Variants in TBX4 observed in about 807,000 individuals in gnomAD.
The protein encoded by TBX4 is T-box transcription factor TBX4.
Under a neutral mutation model 54.6 loss-of-function variants are expected in TBX4, and 13 were observed. The ratio of observed to expected loss-of-function variants is 0.24; its 90% confidence interval spans 0.15 to 0.38. TBX4 has a LOEUF of 0.38. Ranked by LOEUF, TBX4 falls within the 10% of genes least tolerant of loss-of-function variation. The pLI, the probability that TBX4 is intolerant of heterozygous loss-of-function variation, is 1.00. For synonymous variants in TBX4, 314 were observed against 306.7 expected (o/e 1.02, Z -0.25); for missense variants, 631 against 728.5 (o/e 0.87, Z 1.54).
rs1478970181 is a variant in TBX4 at position 61,460,684 on chromosome 17, T to C, written c.281+3053T>C. Reference sequence around the variant, plus strand: ...CCACATCCCTGCCAAGCTTGATACATGTGAGAAACTGCATTTTCTCCCAAA... The same window carrying C: ...CCACATCCCTGCCAAGCTTGATACACGTGAGAAACTGCATTTTCTCCCAAA... On this transcript the variant is annotated intron_variant, in intron 3 of 8. Coordinates refer to ENST00000644296, the MANE Select transcript of TBX4 (RefSeq NM_001321120.2). The surrounding 1 kb of genome is among the most constrained non-coding windows in gnomAD (Gnocchi z 4.4). 5.3e-5 allele frequency among the ~76,000 whole-genome samples: 8 copies of C among 152,162 alleles called. No homozygotes were observed.
At chr17:61,456,089 C>T (rs1307339957) in intron 1 of TBX4, among the ~76,000 whole-genome samples, 1 of 152,148 alleles carries the variant, frequency 6.6e-6, no homozygotes, top group Non-Finnish European at 1.5e-5. Context: ...GTCCTGGGCC[C>T]ACAGAGAGGC....
At chr17:61,454,367 A>T (rs1374763478) in intron 1 of TBX4, among the ~76,000 whole-genome samples, 1 of 152,272 alleles carries the variant, frequency 6.6e-6, no homozygotes, top group Non-Finnish European at 1.5e-5. Flanking sequence ...CCCCATCGCA[A>T]AGGCAGCGGA....
Position 61,457,664 on chromosome 17 carries a change from C to T in TBX4, c.281+33C>T. ...CTGGGAGATTTACTTCCGGGGATGGCGGTGGGGAGCAAGGGGGGCCAGGGA... is the reference window on the plus strand; with the variant it reads ...CTGGGAGATTTACTTCCGGGGATGGTGGTGGGGAGCAAGGGGGGCCAGGGA... On this transcript the variant is annotated intron_variant, in intron 3 of 8. Transcript: ENST00000644296. The surrounding 1 kb of genome is among the most constrained non-coding windows in gnomAD (Gnocchi z 8.2). 1.2e-6 allele frequency: 2 copies of T among 1,602,422 alleles called. No homozygotes were observed. The highest frequency in any genetic ancestry group is 2.2e-5 in the East Asian group (1 of 44,728).
At position 61,483,874 on chromosome 17, in the gene TBX4, G is replaced by A; in HGVS notation, c.*358G>A. 1.0e-5 allele frequency: 3 copies of A among 292,930 alleles called. No individual in the cohort carries two copies. The highest frequency in any genetic ancestry group is 7.2e-5 in the South Asian group (2 of 27,780). 18.1% of individuals were successfully genotyped at this position (292,930 alleles called of 1,614,324 possible). ...TTTATAATGGTTGATTTACTCAGGG[G>A]CCAGGTGGGGAGTTCTCTCCCATGG... On this transcript the variant is annotated 3_prime_UTR_variant, in exon 9 of 9. Transcript: ENST00000644296. The surrounding 1 kb of genome is among the most constrained non-coding windows in gnomAD (Gnocchi z 6.6).
chr17:61,463,794 T>C (rs2060515055), intron 3 of TBX4, among the ~76,000 whole-genome samples: 1 of 152,214 alleles, frequency 6.6e-6, no homozygotes. Context: ...GGCTGCCCCA[T>C]TTTGTGGCTG....
intron 5 of TBX4, among the ~76,000 whole-genome samples, chr17:61,469,099 A>T (rs1178915910): frequency 1.3e-5 from 2 of 152,298 alleles, no homozygotes; most frequent in Non-Finnish European, 2.9e-5. Flanking sequence ...CCAAACCTGG[A>T]GAGGATTTTG....
rs2060638680 is a variant in TBX4 at position 61,478,539 on chromosome 17, A to G, written c.550-88A>G. ...CCTGGGCTTTGAGGAGAATGAGAAA[A>G]ACCAGGCCAGGGCCAGAAGAATGAG... On this transcript the variant is annotated intron_variant, in intron 5 of 8. Transcript: ENST00000644296. The surrounding 1 kb of genome is among the most constrained non-coding windows in gnomAD (Gnocchi z 7.4). 3 of 1,583,382 alleles carry G rather than the reference A, an allele frequency of 1.9e-6. No homozygotes were observed. The highest frequency in any genetic ancestry group is 2.6e-6 in the Non-Finnish European group (3 of 1,153,178).
chr17:61,456,378 A>G (rs1188736639), intron 1 of TBX4, 110 bp from the exon 2 acceptor site: 3 of 1,447,860 alleles, frequency 2.1e-6, no homozygotes, highest in African/African-American at 1.4e-5. Flanking sequence ...CACGTGCTCC[A>G]GGGCTGCCTC....
rs1269844660 is a variant in TBX4, at chr17:61,484,342, C to G, written c.*826C>G. The G allele has an allele frequency of 6.6e-6, 1 of 152,076 alleles. No individual in the cohort carries two copies. Among genetic ancestry groups the G allele is most frequent in the Admixed American group, 6.6e-5 (1 of 15,266 alleles). The allele number at this position is 152,076 out of a possible 1,614,324, so 9.4% of individuals were successfully genotyped here. On this transcript the variant is annotated 3_prime_UTR_variant, in exon 9 of 9. Transcript: ENST00000644296. This position sits in a 1 kb window ranked among gnomAD's most constrained non-coding sequence, Gnocchi z 4.1. ...GGTCCCCAACATACAGTCTCTCACTCTGGTGTGTGGAGAGTCAGCCTCCCA... is the reference window on the plus strand; with the variant it reads ...GGTCCCCAACATACAGTCTCTCACTGTGGTGTGTGGAGAGTCAGCCTCCCA...
Position 61,476,777 on chromosome 17 carries a change from A to G in TBX4, c.550-1850A>G, listed in dbSNP as rs1292658143. 1.3e-5 allele frequency among the ~76,000 whole-genome samples: 2 copies of G among 152,214 alleles called. No individual in the cohort carries two copies. Among genetic ancestry groups the G allele is most frequent in the African/African-American group, 2.4e-5 (1 of 41,442 alleles). On this transcript the variant is annotated intron_variant, in intron 5 of 8. Coordinates refer to ENST00000644296, the MANE Select transcript of TBX4 (RefSeq NM_001321120.2). The surrounding 1 kb of genome is among the most constrained non-coding windows in gnomAD (Gnocchi z 6.5). The stretch of plus-strand genomic sequence containing the variant: ...CTGAGGCGGGAGTGGCCAGTGCAGA[A>G]GGCAGAAAGTGTGGTTCCTGCTGGA...
Position 61,480,406 on chromosome 17 carries a change from A to AAC in TBX4, c.1021+98_1021+99dup, listed in dbSNP as rs913426874. 1.3e-5 allele frequency: 12 copies of AAC among 921,294 alleles called. No homozygotes were observed. Among genetic ancestry groups the AAC allele is most frequent in the Non-Finnish European group, 1.7e-5 (10 of 600,728 alleles). The allele number at this position is 921,294 out of a possible 1,614,324, so 57.1% of individuals were successfully genotyped here. ...ACCACTCTGCAGCGCCCCCCCCCCC[A>AAC]ACACACACACACTCATCTCGTGCTT... is the stretch of plus-strand genomic sequence containing the variant. On this transcript the variant is annotated intron_variant, in intron 8 of 8. Coordinates refer to ENST00000644296, the MANE Select transcript of TBX4 (RefSeq NM_001321120.2). This position sits in a 1 kb window ranked among gnomAD's most constrained non-coding sequence, Gnocchi z 6.2.
At chr17:61,469,445 A>G (rs921827985) in intron 5 of TBX4, among the ~76,000 whole-genome samples, 5 of 152,166 alleles carry the variant, frequency 3.3e-5, no homozygotes, top group African/African-American at 4.8e-5. Flanking sequence ...TGCCTTGATG[A>G]TAGGGATACT....
intron 1 of TBX4, among the ~76,000 whole-genome samples, 175 bp downstream of exon 1, chr17:61,452,752 C>T (rs979595116): frequency 6.6e-6 from 1 of 152,218 alleles, no homozygotes; most frequent in African/African-American, 2.4e-5. Flanking sequence ...GCGCGAAGTG[C>T]CTTGGGTCGG....
rs1322796445 is a variant in TBX4 at position 61,480,060 on chromosome 17, T to A, written c.792-30T>A. 1 of 1,611,818 alleles carries A rather than the reference T, an allele frequency of 6.2e-7. No homozygotes were observed. Among genetic ancestry groups the A allele is most frequent in the Admixed American group, 1.7e-5 (1 of 60,010 alleles). On this transcript the variant is annotated intron_variant, in intron 7 of 8. Transcript: ENST00000644296. This position sits in a 1 kb window ranked among gnomAD's most constrained non-coding sequence, Gnocchi z 6.2. ...TCGATGTATCTTCACTCTCTTCCTG[T>A]CTCTCCTCCTGTCCTCCCCACCCCT...
Position 61,456,468 on chromosome 17 carries a change from G to T in TBX4, c.-3-20G>T, listed in dbSNP as rs761189656. The T allele has an allele frequency of 6.4e-7, 1 of 1,559,768 alleles. No individual in the cohort carries two copies. Among genetic ancestry groups the T allele is most frequent in the Non-Finnish European group, 8.7e-7 (1 of 1,152,082 alleles). Reference sequence around the variant, plus strand: ...GAGTGTGGACCTGGGCGAGTGACTCGTTGTGTGCTGTGCCCGCAGGAGATG... The same window carrying T: ...GAGTGTGGACCTGGGCGAGTGACTCTTTGTGTGCTGTGCCCGCAGGAGATG... On this transcript the variant is annotated intron_variant, in intron 1 of 8. Coordinates refer to ENST00000644296, the MANE Select transcript of TBX4 (RefSeq NM_001321120.2).
rs374641629 is a variant in TBX4, at chr17:61,467,729, G to A, written c.549+72G>A. ...TTTAGGGGTGGGACAGGCCAGGATG[G>A]GGATAGGGAGAATCCACTCCGGGAT... On this transcript the variant is annotated intron_variant, in intron 5 of 8. Transcript: ENST00000644296. The A allele has an allele frequency of 1.6e-3, 2,610 of 1,585,840 alleles. 69 individuals are homozygous for A. In the South Asian group the frequency reaches 0.027, roughly 17 times the overall value.
Position 61,474,318 on chromosome 17 carries a change from ACT to A in TBX4, c.550-4306_550-4305del, listed in dbSNP as rs1191536713. 2.6e-5 allele frequency among the ~76,000 whole-genome samples: 4 copies of A among 151,970 alleles called. No individual in the cohort carries two copies. The highest frequency in any genetic ancestry group is 9.7e-5 in the African/African-American group (4 of 41,364). On this transcript the variant is annotated intron_variant, in intron 5 of 8. Transcript: ENST00000644296. The surrounding 1 kb of genome is among the most constrained non-coding windows in gnomAD (Gnocchi z 4.6). ...GTGTTTAATTGGCACCTTCTCATTA[ACT>A]CTGAGCTTGTTGAGAGCAGTGTGTG...
intron 4 of TBX4, among the ~76,000 whole-genome samples, chr17:61,467,125 A>G (rs750986616): frequency 1.3e-5 from 2 of 152,144 alleles, no homozygotes; most frequent in Non-Finnish European, 2.9e-5. Flanking sequence ...TACCACTAGC[A>G]TGGGTGACAG....
chr17:61,474,627 T>C lies in TBX4; in HGVS notation c.550-4000T>C, dbSNP rs939040613. The stretch of plus-strand genomic sequence containing the variant: ...GTTAAAATAGAACAGGCTTCTGAAT[T>C]GTGGCCAGAACATAATGAATCCCAT... On this transcript the variant is annotated intron_variant, in intron 5 of 8. Transcript: ENST00000644296. This position sits in a 1 kb window ranked among gnomAD's most constrained non-coding sequence, Gnocchi z 4.6. Among the ~76,000 whole-genome samples the C allele has an allele frequency of 6.6e-6, 1 of 152,224 alleles. No individual in the cohort carries two copies. The highest frequency in any genetic ancestry group is 1.5e-5 in the Non-Finnish European group (1 of 68,034).
Sources: gnomAD v4.1 joint callset for allele counts (sites outside exome capture counted in the v4.1 genomes callset) on GRCh38, gnomAD v4.1.1 for gene constraint, Gnocchi (gnomAD v3.1) non-coding constraint, MANE v1.5 for transcripts, NCBI Gene and HGNC (gene_info 2026-07-23, HGNC 2026-07-21) for gene names.